Variants in CDH12 observed in about 807,000 individuals in gnomAD.
The protein encoded by CDH12 is cadherin 12.
Under a neutral mutation model 74.1 loss-of-function variants are expected in CDH12, and 41 were observed. The ratio of observed to expected loss-of-function variants is 0.55; its 90% CI spans 0.43 to 0.72. The LOEUF is 0.72. Among genes scored for constraint, CDH12 ranks in the 30% least tolerant of loss-of-function variants. The pLI is 0.00. For missense variants in CDH12, 945 were observed against 977.2 expected, an observed-to-expected ratio of 0.97 and a Z score of 0.44; for synonymous variants, 399 against 355.0, an observed-to-expected ratio of 1.12 and a Z score of -1.39.
At chr5:22,010,009 C>T (rs1258488651) in intron 5 of CDH12, among the ~76,000 whole-genome samples, 1 of 150,104 alleles carries the variant, frequency 6.7e-6, no homozygotes, top group Non-Finnish European at 1.5e-5. Context: ...AAGAAAAGTT[C>T]TAGTTTCTCG....
chr5:22,078,594 T>C lies in CDH12; in HGVS notation c.83A>G (p.Gln28Arg), dbSNP rs1458855498. The change falls in exon 5 of 15, where the codon CAG becomes CGG. Residue 28 changes from glutamine to arginine, a missense_variant. Physicochemically the swap from Gln to Arg is conservative, Grantham distance 43. This residue lies in a region of CDH12 where 148 missense variants were observed against 162.8 expected (regional missense o/e 0.91). Transcript: ENST00000382254. The stretch of plus-strand genomic sequence containing the variant: ...TCTTGGCTCTGTGGCTAAAGTCTGC[T>C]GTGGCTGTGGTTGTAGTGGTGTTAG... ...GLLTPLQPQP[Q>R]QTLATEPREN... 9 of 1,613,860 alleles carry C rather than the reference T, an allele frequency of 5.6e-6. No homozygotes were observed. Among genetic ancestry groups the C allele is most frequent in the African/African-American group, 1.3e-5 (1 of 74,920 alleles).
chr5:21,976,416 C>T (rs1425901307), intron 5 of CDH12, among the ~76,000 whole-genome samples: 3 of 151,448 alleles, frequency 2.0e-5, no homozygotes, highest in East Asian at 3.9e-4. Context: ...CAGTCTTAAA[C>T]GTATATAAAT....
At chr5:22,222,408 C>T (rs1437772873) in intron 3 of CDH12, among the ~76,000 whole-genome samples, 3 of 151,930 alleles carry the variant, frequency 2.0e-5, no homozygotes, top group Non-Finnish European at 2.9e-5. Flanking sequence ...TGATTTCTGG[C>T]AGAAAACACT....
intron 4 of CDH12, among the ~76,000 whole-genome samples, chr5:22,127,054 G>T (rs1745908262): frequency 6.6e-6 from 1 of 152,068 alleles, no homozygotes; most frequent in Non-Finnish European, 1.5e-5. Context: ...ATATGTGTGG[G>T]GTGGATTGTG....
intron 1 of CDH12, among the ~76,000 whole-genome samples, chr5:22,781,061 G>C (rs1747362541): frequency 6.6e-6 from 1 of 152,132 alleles, no homozygotes; most frequent in Non-Finnish European, 1.5e-5. Flanking sequence ...AATGAACTGT[G>C]CATGATCAGG....
intron 4 of CDH12, among the ~76,000 whole-genome samples, chr5:22,121,411 T>A (rs1032035550): frequency 3.3e-5 from 5 of 152,170 alleles, no homozygotes; most frequent in African/African-American, 1.2e-4. Flanking sequence ...TTTCACAGCA[T>A]CCATTTGGCA....
chr5:22,694,307 A>G (rs1742238034), intron 1 of CDH12, among the ~76,000 whole-genome samples: 1 of 152,200 alleles, frequency 6.6e-6, no homozygotes, highest in African/African-American at 2.4e-5. Context: ...CATTTTCTTT[A>G]CAATCTCCAT....
At chr5:22,323,264 C>T (rs1182972426) in intron 3 of CDH12, among the ~76,000 whole-genome samples, 4 of 152,090 alleles carry the variant, frequency 2.6e-5, no homozygotes, top group Non-Finnish European at 5.9e-5. Flanking sequence ...ACTGGATTGA[C>T]TTCCTGTTAT....
Position 22,736,170 on chromosome 5 carries a change from A to T in CDH12, c.-523+116888T>A, listed in dbSNP as rs1744709188. On this transcript the variant is annotated intron_variant, in intron 1 of 14. Coordinates refer to ENST00000382254, the MANE Select transcript of CDH12 (RefSeq NM_004061.5). ...TGTCATTTTGTATGCAAGAATAAAA[A>T]CATTTGTTATTTCCTCCATCCTAAC... is the stretch of plus-strand genomic sequence containing the variant. Among the ~76,000 whole-genome samples, 3 of 151,884 alleles carry T rather than the reference A, an allele frequency of 2.0e-5. No individual in the cohort carries two copies. In the South Asian group the frequency reaches 6.2e-4, roughly 31 times the overall value.
intron 5 of CDH12, among the ~76,000 whole-genome samples, chr5:22,026,687 T>C (rs1319628226): frequency 6.6e-6 from 1 of 152,166 alleles, no homozygotes; most frequent in East Asian, 1.9e-4. Context: ...GCTTTCATTA[T>C]ACTTATCCAT....
chr5:22,019,051 C>G (rs574940410), intron 5 of CDH12, among the ~76,000 whole-genome samples: 2 of 112,302 alleles, frequency 1.8e-5, no homozygotes, highest in Admixed American at 1.0e-4. Context: ...CAGAGCAAGA[C>G]TGTGTCTCAA....
rs1283909771 is a variant in CDH12, at chr5:22,325,279, A to G, written c.-333+79978T>C. The stretch of plus-strand genomic sequence containing the variant: ...ATATTCATTTTATGTGATATAATGA[A>G]TACAAGTTATAGTACTAAACCTCAG... On this transcript the variant is annotated intron_variant, in intron 3 of 14. Coordinates refer to ENST00000382254, the MANE Select transcript of CDH12 (RefSeq NM_004061.5). 2.0e-5 allele frequency among the ~76,000 whole-genome samples: 3 copies of G among 152,310 alleles called. No individual in the cohort carries two copies. In the East Asian group the frequency reaches 5.8e-4, roughly 29 times the overall value.
intron 1 of CDH12, among the ~76,000 whole-genome samples, chr5:22,782,230 G>T (rs1181289367): frequency 6.6e-6 from 1 of 152,074 alleles, no homozygotes; most frequent in African/African-American, 2.4e-5. Context: ...CATGAGATTT[G>T]GGAGGGAACA....
intron 6 of CDH12, among the ~76,000 whole-genome samples, chr5:21,903,410 TTC>T (rs1246833061): frequency 6.6e-6 from 1 of 152,142 alleles, no homozygotes; most frequent in Admixed American, 6.6e-5. Flanking sequence ...CCAACAGTTC[TTC>T]TCTCAGTCTA....
At chr5:22,355,541 TAA>T (rs1008814189) in intron 3 of CDH12, among the ~76,000 whole-genome samples, 4 of 148,996 alleles carry the variant, frequency 2.7e-5, no homozygotes, top group South Asian at 2.1e-4. Context: ...TATATATATA[TAA>T]AACTATCTTA....
chr5:22,334,743 TTGGGGAAA>T (rs1250418586), intron 3 of CDH12, among the ~76,000 whole-genome samples: 1 of 152,072 alleles, frequency 6.6e-6, no homozygotes, highest in East Asian at 1.9e-4. Flanking sequence ...AGAACATATA[TTGGGGAAA>T]ACACAGTCTC....
chr5:22,273,470 G>T (rs539368049), intron 3 of CDH12, among the ~76,000 whole-genome samples: 2 of 152,174 alleles, frequency 1.3e-5, no homozygotes, highest in South Asian at 2.1e-4. Context: ...TATAATTCTG[G>T]AATTCTATGT....
intron 5 of CDH12, among the ~76,000 whole-genome samples, chr5:21,999,819 G>T (rs1278102065): frequency 2.6e-5 from 4 of 151,304 alleles, no homozygotes; most frequent in Admixed American, 6.6e-5. Context: ...TAAATGCATA[G>T]ACTTTAAAAT....
At chr5:22,840,173 T>C (rs960185459) in intron 1 of CDH12, among the ~76,000 whole-genome samples, 1 of 152,164 alleles carries the variant, frequency 6.6e-6, no homozygotes, top group East Asian at 1.9e-4. Flanking sequence ...CAGGCTGGAG[T>C]GCGGTTGCAC....
Sources: gnomAD v4.1 joint callset for allele counts (sites outside exome capture counted in the v4.1 genomes callset) on GRCh38, gnomAD v4.1.1 for gene constraint, gnomAD v4.1.1 regional missense constraint, MANE v1.5 for transcripts, NCBI Gene and HGNC (gene_info 2026-07-23, HGNC 2026-07-21) for gene names.